RBFOX1: variants seen among roughly 807,000 people sequenced by gnomAD.
The protein encoded by RBFOX1 is RNA binding fox-1 homolog 1, also known as RNA binding protein fox-1 homolog 1.
Under a neutral mutation model 57.7 loss-of-function variants are expected in RBFOX1, and 8 were observed. The ratio of observed to expected loss-of-function variants is 0.14; its 90% CI spans 0.08 to 0.25. The LOEUF (loss-of-function observed/expected upper bound fraction) is 0.25. Ranked by LOEUF, RBFOX1 falls within the 10% of genes least tolerant of loss-of-function variation. The pLI, the probability that RBFOX1 is intolerant of heterozygous loss-of-function variation, is 1.00. For synonymous variants in RBFOX1, 326 were observed against 222.4 expected, an observed-to-expected ratio of 1.47 and a Z score of -4.15; for missense variants, 611 against 548.5, an observed-to-expected ratio of 1.11 and a Z score of -1.14.
In RBFOX1 at chr16:7,411,443, C is replaced by G. The variant is rs542211561; in HGVS notation, c.28-106704C>G. 2.1e-4 allele frequency among the ~76,000 whole-genome samples: 32 copies of G among 152,276 alleles called. No individual in the cohort carries two copies. In the South Asian group the frequency reaches 3.5e-3, roughly 17 times the overall value. On this transcript the variant is annotated intron_variant, in intron 4 of 15. Coordinates refer to ENST00000550418, the MANE Select transcript of RBFOX1 (RefSeq NM_018723.4). ...AGAGAGGAGACAGGGCCCTAACAGA[C>G]TTAGCAAAGATGTTGAACACATGAA...
chr16:7,324,935 C>G (rs979747104), intron 4 of RBFOX1, among the ~76,000 whole-genome samples: 1 of 152,164 alleles, frequency 6.6e-6, no homozygotes, highest in Non-Finnish European at 1.5e-5. Flanking sequence ...ATTGCATTTT[C>G]CATTTACAGA....
At chr16:7,693,441 C>G in intron 14 of RBFOX1, 1 of 999,032 alleles carries the variant, frequency 1.0e-6, no homozygotes, top group Non-Finnish European at 1.4e-6. Flanking sequence ...TTTTCTTCTT[C>G]ACATGCTGCA....
chr16:7,079,295 G>T (rs1272946513), intron 4 of RBFOX1, among the ~76,000 whole-genome samples: 1 of 152,144 alleles, frequency 6.6e-6, no homozygotes, highest in Non-Finnish European at 1.5e-5. Flanking sequence ...ACTGAGGGTT[G>T]GGCAGGGGAG....
intron 2 of RBFOX1, among the ~76,000 whole-genome samples, chr16:6,468,370 G>A (rs1328965854): frequency 4.6e-5 from 7 of 152,170 alleles, no homozygotes; most frequent in Admixed American, 1.3e-4. Context: ...GGGCCATACT[G>A]CCTGTCAGGC....
At chr16:6,049,063 T>TC (rs942698455) in intron 1 of RBFOX1, among the ~76,000 whole-genome samples, 1 of 150,648 alleles carries the variant, frequency 6.6e-6, no homozygotes, top group African/African-American at 2.4e-5. Context: ...CTTTTTTTTT[T>TC]TTTTTTTTTT....
intron 3 of RBFOX1, among the ~76,000 whole-genome samples, chr16:6,760,078 C>G (rs572845913): frequency 1.4e-4 from 21 of 152,130 alleles, no homozygotes; most frequent in African/African-American, 4.8e-4. Flanking sequence ...GGAGTCCAAA[C>G]TCAGTGTGAT....
chr16:6,651,562 G>T (rs2098596286), intron 2 of RBFOX1, among the ~76,000 whole-genome samples: 1 of 152,160 alleles, frequency 6.6e-6, no homozygotes, highest in African/African-American at 2.4e-5. Flanking sequence ...ACCCACAAGT[G>T]CCCATGAGGA....
chr16:5,885,673 G>A (rs1399482293), intron 4 of RBFOX1, among the ~76,000 whole-genome samples: 4 of 152,138 alleles, frequency 2.6e-5, no homozygotes, highest in Admixed American at 6.5e-5. Context: ...GTTGCCCAGG[G>A]AAACTTGTAT....
chr16:6,237,539 C>A (rs546488260), intron 1 of RBFOX1, among the ~76,000 whole-genome samples: 1 of 152,144 alleles, frequency 6.6e-6, no homozygotes, highest in East Asian at 1.9e-4. Context: ...GTCAGGAGTT[C>A]AAGACCAGCC....
chr16:7,430,880 G>A (rs778831364), intron 4 of RBFOX1, among the ~76,000 whole-genome samples: 5 of 152,184 alleles, frequency 3.3e-5, no homozygotes, highest in African/African-American at 9.6e-5. Context: ...ATTAAATAAC[G>A]TGTATGATGT....
chr16:5,611,745 TCCATTCACCCTTCTTTTCAGTCTC>T (rs1352493008), intron 3 of RBFOX1, among the ~76,000 whole-genome samples: 25 of 144,454 alleles, frequency 1.7e-4, no homozygotes, highest in Non-Finnish European at 2.7e-4. Context: ...CATCCATCCA[TCCATTCACCCTTCTTTTCAGTCTC>T]CCATCCATCC....
intron 1 of RBFOX1, among the ~76,000 whole-genome samples, chr16:6,221,700 A>G (rs1329094531): frequency 6.6e-6 from 1 of 152,204 alleles, no homozygotes; most frequent in Non-Finnish European, 1.5e-5. Context: ...CAGTCATGGC[A>G]GAAGGTGAAG....
At chr16:6,066,918 G>A (rs2095772142) in intron 1 of RBFOX1, among the ~76,000 whole-genome samples, 1 of 152,104 alleles carries the variant, frequency 6.6e-6, no homozygotes, top group Admixed American at 6.6e-5. Flanking sequence ...TCACCATTAT[G>A]GTGTATTATG....
chr16:5,965,602 G>A (rs2152292985), intron 4 of RBFOX1, among the ~76,000 whole-genome samples: 1 of 152,150 alleles, frequency 6.6e-6, no homozygotes, highest in Non-Finnish European at 1.5e-5. Context: ...TTAATGACTG[G>A]CACCAATGAC....
At chr16:7,691,016 A>G (rs369465682) in intron 14 of RBFOX1, among the ~76,000 whole-genome samples, 25 of 152,300 alleles carry the variant, frequency 1.6e-4, no homozygotes, top group African/African-American at 3.6e-4. Flanking sequence ...GTGATCACAC[A>G]GATTGAATTC....
intron 3 of RBFOX1, among the ~76,000 whole-genome samples, chr16:5,854,859 C>T (rs776837861): frequency 5.2e-4 from 79 of 152,070 alleles, no homozygotes; most frequent in Non-Finnish European, 9.7e-4. Flanking sequence ...TAGAAAGGTA[C>T]CCTTTTCTCC....
rs2063795023 is a variant in RBFOX1 at position 5,301,241 on chromosome 16, G to A, written c.219+61136G>A. Among the ~76,000 whole-genome samples, 3 of 152,132 alleles carry A rather than the reference G, an allele frequency of 2.0e-5. No homozygotes were observed. In the South Asian group the frequency reaches 6.2e-4, roughly 32 times the overall value. ...ACCATGGAGAGGTTCACATGGCAGGGAATTGAGGGAAGCCTGCAGCCAGCA... is the reference window on the plus strand; with the variant it reads ...ACCATGGAGAGGTTCACATGGCAGGAAATTGAGGGAAGCCTGCAGCCAGCA... On this transcript the variant is annotated intron_variant, in intron 1 of 2. Coordinates refer to the RBFOX1 transcript ENST00000585867.
chr16:5,542,941 T>C (rs2045023120), intron 2 of RBFOX1, among the ~76,000 whole-genome samples: 1 of 152,214 alleles, frequency 6.6e-6, no homozygotes, highest in South Asian at 2.1e-4. Flanking sequence ...TGCTCAGTCA[T>C]GGCTGAGAAT....
intron 11 of RBFOX1, among the ~76,000 whole-genome samples, chr16:7,643,362 T>C (rs988650340): frequency 6.6e-6 from 1 of 152,230 alleles, no homozygotes; most frequent in African/African-American, 2.4e-5. Context: ...AGAAGACTTA[T>C]TTCAAAAACC....
Sources: gnomAD v4.1 joint callset for allele counts (sites outside exome capture counted in the v4.1 genomes callset) on GRCh38, gnomAD v4.1.1 for gene constraint, MANE v1.5 for transcripts, NCBI Gene and HGNC (gene_info 2026-07-23, HGNC 2026-07-21) for gene names.